Variants in NELL2 observed in about 807,000 individuals in gnomAD.
The protein encoded by NELL2 is neural EGFL like 2, also known as protein kinase C-binding protein NELL2.
A neutral mutation model predicts 109.6 loss-of-function variants in NELL2; 41 were observed. The ratio of observed to expected loss-of-function variants is 0.37; its 90% CI spans 0.29 to 0.49. The LOEUF (loss-of-function observed/expected upper bound fraction) is 0.49. Ranked by LOEUF, NELL2 falls within the 20% of genes least tolerant of loss-of-function variation. The pLI, the probability that NELL2 is intolerant of heterozygous loss-of-function variation, is 0.98. For synonymous variants in NELL2, 355 were observed against 344.7 expected, an observed-to-expected ratio of 1.03 and a Z score of -0.33; for missense variants, 900 against 1,008.3, an observed-to-expected ratio of 0.89 and a Z score of 1.45.
intron 15 of NELL2, among the ~76,000 whole-genome samples, chr12:44,588,020 G>A (rs998356237): frequency 1.3e-5 from 2 of 151,844 alleles, no homozygotes; most frequent in Non-Finnish European, 2.9e-5. Context: ...GCGTGGTGGC[G>A]GGCACCTGTA....
intron 9 of NELL2, among the ~76,000 whole-genome samples, chr12:44,745,166 T>C (rs757450219): frequency 2.6e-5 from 4 of 152,134 alleles, no homozygotes; most frequent in Non-Finnish European, 4.4e-5. Flanking sequence ...AATCAATAAA[T>C]GTAATCCAGC....
chr12:44,653,617 A>G (rs17651576), intron 13 of NELL2, among the ~76,000 whole-genome samples: 28,396 of 152,074 alleles, frequency 0.19, 2,834 homozygotes, highest in African/African-American at 0.26. Flanking sequence ...GCTCTCACTA[A>G]GCCACACTGA....
intron 15 of NELL2, among the ~76,000 whole-genome samples, chr12:44,535,600 CTGCCACCAGTGATA>C (rs1318532367): frequency 6.6e-6 from 1 of 151,878 alleles, no homozygotes; most frequent in Non-Finnish European, 1.5e-5. Context: ...TGCAATTTAT[CTGCCACCAGTGATA>C]TGGTATGTAG....
rs74078988 is a variant in NELL2 at position 44,818,218 on chromosome 12, T to C, written c.185-2082A>G. ...CCTCAAGGAAGCATGCAAAATCTAA[T>C]TGAGAATGATTTCATCTAGTGTTAA... On this transcript the variant is annotated intron_variant, in intron 2 of 19. Coordinates refer to ENST00000429094, the MANE Select transcript of NELL2 (RefSeq NM_001145108.2). Among the ~76,000 whole-genome samples the C allele has an allele frequency of 5.8e-3, 881 of 152,360 alleles. 15 individuals carry two copies. Among genetic ancestry groups the C allele is most frequent in the African/African-American group, 0.02 (843 of 41,582 alleles).
At chr12:44,587,023 G>A (rs918211420) in intron 15 of NELL2, among the ~76,000 whole-genome samples, 7 of 151,560 alleles carry the variant, frequency 4.6e-5, no homozygotes, top group African/African-American at 1.2e-4. Flanking sequence ...CTGTAATCCC[G>A]GCACTTTGGG....
At chr12:44,877,005 C>T (rs141843923), upstream of NELL2, 238 of 571,672 alleles carry the variant, frequency 4.2e-4, no homozygotes, top group East Asian at 8.5e-3. Context: ...TGGACAGCTC[C>T]GGAACCCGCG....
intron 3 of NELL2, among the ~76,000 whole-genome samples, chr12:44,788,966 G>C (rs779067727): frequency 6.6e-6 from 1 of 151,936 alleles, no homozygotes; most frequent in East Asian, 1.9e-4. Context: ...CTCCATTGAC[G>C]TGGGAACCTC....
intron 15 of NELL2, among the ~76,000 whole-genome samples, chr12:44,551,135 T>C (rs1943031372): frequency 1.3e-5 from 2 of 152,166 alleles, no homozygotes; most frequent in Non-Finnish European, 2.9e-5. Context: ...CCTAAACTCA[T>C]CAAGATGTAG....
intron 12 of NELL2, among the ~76,000 whole-genome samples, chr12:44,695,437 C>A (rs186657853): frequency 6.6e-6 from 1 of 152,276 alleles, no homozygotes; most frequent in African/African-American, 2.4e-5. Context: ...CTGGCTCATG[C>A]CTGTGATCCT....
chr12:44,725,632 A>C (rs2136461983), intron 9 of NELL2, among the ~76,000 whole-genome samples: 1 of 152,354 alleles, frequency 6.6e-6, no homozygotes, highest in South Asian at 2.1e-4. Context: ...GACTGGATTA[A>C]AAAAATGTGG....
intron 9 of NELL2, among the ~76,000 whole-genome samples, chr12:44,739,754 G>T (rs982130375): frequency 1.2e-4 from 18 of 152,054 alleles, no homozygotes; most frequent in African/African-American, 4.3e-4. Flanking sequence ...AGCTGGGTGT[G>T]GTGGCAGGCA....
chr12:44,831,049 T>A (rs1943871797), intron 2 of NELL2, among the ~76,000 whole-genome samples: 1 of 151,944 alleles, frequency 6.6e-6, no homozygotes, highest in South Asian at 2.1e-4. Context: ...CTGCTTATAC[T>A]CACAACCCAC....
chr12:44,915,256 C>G (rs1945820343), upstream of NELL2, among the ~76,000 whole-genome samples: 1 of 152,152 alleles, frequency 6.6e-6, no homozygotes, highest in South Asian at 2.1e-4. Flanking sequence ...AAATAATGTA[C>G]TTTTTGTAAA....
At position 44,593,914 on chromosome 12, in the gene NELL2, A is replaced by C. The variant is rs553165329; in HGVS notation, c.1663+13255T>G. On this transcript the variant is annotated intron_variant, in intron 15 of 19. Transcript: ENST00000429094. ...CCATCAATGATAGACTGGATAAAGA[A>C]AATGTGGCACATATACACCATGGAA... 5.9e-4 allele frequency among the ~76,000 whole-genome samples: 90 copies of C among 152,330 alleles called. 1 individual carries two copies. The South Asian group carries it at 0.01, about 17-fold the overall frequency.
chr12:44,697,483 A>G (rs985834444), intron 12 of NELL2, among the ~76,000 whole-genome samples: 2 of 152,182 alleles, frequency 1.3e-5, no homozygotes, highest in Non-Finnish European at 2.9e-5. Flanking sequence ...TGCAAACTCC[A>G]CACAGACTGT....
intron 1 of NELL2, 194 bp downstream of exon 1, chr12:44,875,621 G>A (rs1945295400): frequency 1.2e-6 from 2 of 1,610,190 alleles, no homozygotes; most frequent in South Asian, 2.2e-5. Context: ...TGGACTAGGG[G>A]CGTGATCCGC....
At chr12:44,697,020 C>T (rs1459317882) in intron 12 of NELL2, among the ~76,000 whole-genome samples, 3 of 152,138 alleles carry the variant, frequency 2.0e-5, no homozygotes, top group Non-Finnish European at 2.9e-5. Context: ...GAAATGGCAA[C>T]TTTAAATGAA....
intron 13 of NELL2, among the ~76,000 whole-genome samples, chr12:44,625,385 C>G (rs563172569): frequency 1.1e-4 from 16 of 151,998 alleles, no homozygotes; most frequent in Non-Finnish European, 2.4e-4. Context: ...CTCCAGCCAC[C>G]CCTACACATC....
chr12:44,648,799 G>GAT (rs1259828480), intron 13 of NELL2, among the ~76,000 whole-genome samples: 1 of 141,302 alleles, frequency 7.1e-6, no homozygotes, highest in African/African-American at 2.7e-5. Context: ...GCAGTGGCGT[G>GAT]ATCTCGGCTC....
Sources: allele counts gnomAD v4.1 joint callset (sites outside exome capture counted in the v4.1 genomes callset), GRCh38; gene constraint gnomAD v4.1.1; transcripts MANE v1.5; gene names NCBI Gene and HGNC (gene_info 2026-07-23, HGNC 2026-07-21).